The following CDH9 variants were observed in gnomAD, a reference collection of about 807,000 sequenced individuals.
CDH9 encodes cadherin 9, also known as cadherin-9.
In CDH9, 28 loss-of-function variants were observed where a neutral mutation model predicts 70.9. The observed-to-expected ratio is 0.40, with a 90% CI of 0.29 to 0.54. The LOEUF (loss-of-function observed/expected upper bound fraction) is 0.54. Among genes scored for constraint, CDH9 ranks in the 20% least tolerant of loss-of-function variants. The pLI is 0.59. For synonymous variants in CDH9, 409 were observed against 343.1 expected (o/e 1.19, Z -2.12); for missense variants, 874 against 984.4 (o/e 0.89, Z 1.50).
At chr5:26,916,455 A>G (rs1360262597) in intron 2 of CDH9, among the ~76,000 whole-genome samples, 1 of 151,916 alleles carries the variant, frequency 6.6e-6, no homozygotes, top group Non-Finnish European at 1.5e-5. Context: ...GAAACTGTGG[A>G]GTGTACCGAA....
intron 2 of CDH9, among the ~76,000 whole-genome samples, chr5:26,949,944 T>G (rs538477936): frequency 2.6e-5 from 4 of 152,222 alleles, no homozygotes; most frequent in Non-Finnish European, 4.4e-5. Flanking sequence ...TAATCACTGA[T>G]GTCTTTATGG....
chr5:27,031,464 A>G (rs1743309099), intron 1 of CDH9, among the ~76,000 whole-genome samples: 1 of 151,936 alleles, frequency 6.6e-6, no homozygotes, highest in Non-Finnish European at 1.5e-5. Flanking sequence ...TAGGAAGATT[A>G]CAATTTATGG....
intron 2 of CDH9, among the ~76,000 whole-genome samples, chr5:26,985,835 A>G (rs904035023): frequency 1.3e-5 from 2 of 152,130 alleles, no homozygotes; most frequent in Non-Finnish European, 2.9e-5. Context: ...GAGGTGCTCA[A>G]GAAGTTAAAT....
At chr5:26,884,548 C>T (rs1238233053) in intron 11 of CDH9, among the ~76,000 whole-genome samples, 1 of 152,110 alleles carries the variant, frequency 6.6e-6, no homozygotes, top group Non-Finnish European at 1.5e-5. Flanking sequence ...GTGATGGTAG[C>T]AGTGTGTTTG....
At chr5:26,976,631 G>A (rs1202604439) in intron 2 of CDH9, among the ~76,000 whole-genome samples, 5 of 151,950 alleles carry the variant, frequency 3.3e-5, no homozygotes, top group African/African-American at 9.7e-5. Context: ...GTAAAGATGA[G>A]GTTTTGCCAT....
In CDH9 at chr5:26,902,505, G is replaced by T; in HGVS notation, c.1224C>A (p.Tyr408Ter). ...TTAAATTGTTCCTGGCATCTGGATC[G>T]TATGCTGTAACCTGTCCAATGATAC... is the stretch of plus-strand genomic sequence containing the variant. ...EGSIIGQVTA[Y>*]DPDARNNLIK... The change falls in exon 7 of 12, where the codon TAC becomes TAA. Residue 408 changes from tyrosine to a stop codon, truncating the protein, a stop_gained. Coordinates refer to ENST00000231021, the MANE Select transcript of CDH9 (RefSeq NM_016279.4). LOFTEE classifies it high-confidence loss of function. 1 of 1,603,798 alleles carries T rather than the reference G, an allele frequency of 6.2e-7. No individual in the cohort carries two copies. Among genetic ancestry groups the T allele is most frequent in the African/African-American group, 1.3e-5 (1 of 74,770 alleles).
At chr5:26,911,299 T>C (rs2111999826) in intron 3 of CDH9, among the ~76,000 whole-genome samples, 1 of 152,276 alleles carries the variant, frequency 6.6e-6, no homozygotes, top group Admixed American at 6.5e-5. Flanking sequence ...CAAAGTCCAT[T>C]ATAAATATAT....
intron 1 of CDH9, among the ~76,000 whole-genome samples, chr5:26,989,417 A>G (rs1370770358): frequency 6.6e-6 from 1 of 152,098 alleles, no homozygotes; most frequent in Non-Finnish European, 1.5e-5. Context: ...GGAAAAGAAA[A>G]TAACAAAAGG....
At chr5:26,990,902 T>G (rs924059414) in intron 1 of CDH9, among the ~76,000 whole-genome samples, 7 of 152,174 alleles carry the variant, frequency 4.6e-5, no homozygotes, top group African/African-American at 1.7e-4. Context: ...GCCCATTTTG[T>G]GTGGAACATA....
rs534400006 is a variant in CDH9, at chr5:26,980,461, T to A, written c.228+7645A>T. Reference sequence around the variant, plus strand: ...AGTGACCCCAATTACCTGAAAAAAATGTTTAAAGAAAGTTAGATATTTTCA... The same window carrying A: ...AGTGACCCCAATTACCTGAAAAAAAAGTTTAAAGAAAGTTAGATATTTTCA... On this transcript the variant is annotated intron_variant, in intron 2 of 11. Coordinates refer to ENST00000231021, the MANE Select transcript of CDH9 (RefSeq NM_016279.4). Among the ~76,000 whole-genome samples the A allele has an allele frequency of 3.3e-5, 5 of 151,982 alleles. No individual in the cohort carries two copies. The South Asian group carries it at 6.2e-4, about 19-fold the overall frequency.
At chr5:26,978,928 A>G (rs539838447) in intron 2 of CDH9, among the ~76,000 whole-genome samples, 2 of 151,936 alleles carry the variant, frequency 1.3e-5, no homozygotes, top group South Asian at 2.1e-4. Flanking sequence ...ATGAAAATGA[A>G]ATAAAGATAT....
chr5:27,024,278 T>C (rs1743185872), intron 1 of CDH9, among the ~76,000 whole-genome samples: 1 of 152,058 alleles, frequency 6.6e-6, no homozygotes, highest in African/African-American at 2.4e-5. Context: ...AATTTTTAAC[T>C]ATTTTTCAAT....
intron 2 of CDH9, among the ~76,000 whole-genome samples, chr5:26,983,117 C>G (rs1269547342): frequency 6.6e-6 from 1 of 151,990 alleles, no homozygotes; most frequent in Non-Finnish European, 1.5e-5. Flanking sequence ...ACAACAACAA[C>G]AAACAGATAT....
intron 2 of CDH9, among the ~76,000 whole-genome samples, chr5:26,939,798 G>A (rs1001390540): frequency 4.6e-5 from 7 of 152,096 alleles, no homozygotes; most frequent in Non-Finnish European, 7.4e-5. Context: ...GTTTAGGCAT[G>A]CATGCATGGC....
At chr5:26,984,019 A>G (rs1742448307) in intron 2 of CDH9, among the ~76,000 whole-genome samples, 1 of 152,082 alleles carries the variant, frequency 6.6e-6, no homozygotes, top group African/African-American at 2.4e-5. Flanking sequence ...GATTCCTACC[A>G]ATTTTTCTTT....
At position 26,956,142 on chromosome 5, in the gene CDH9, T is replaced by A. The variant is rs546781548; in HGVS notation, c.228+31964A>T. Among the ~76,000 whole-genome samples, 32 of 152,268 alleles carry A rather than the reference T, an allele frequency of 2.1e-4. No homozygotes were observed. In the South Asian group the frequency reaches 6.2e-3, roughly 30 times the overall value. Reference sequence around the variant, plus strand: ...GGAATTGTAGCTGTCATAATTCCCATGTGTCTTGGGAGGGAACTGGTGGAA... The same window carrying A: ...GGAATTGTAGCTGTCATAATTCCCAAGTGTCTTGGGAGGGAACTGGTGGAA... On this transcript the variant is annotated intron_variant, in intron 2 of 11. Transcript: ENST00000231021.
intron 2 of CDH9, among the ~76,000 whole-genome samples, chr5:26,987,683 C>T (rs1273731722): frequency 6.6e-6 from 1 of 151,928 alleles, no homozygotes; most frequent in East Asian, 1.9e-4. Flanking sequence ...ACACTTTTGT[C>T]TAGATTACAA....
At chr5:26,991,116 C>T (rs1031070681) in intron 1 of CDH9, among the ~76,000 whole-genome samples, 2 of 152,104 alleles carry the variant, frequency 1.3e-5, no homozygotes. Context: ...GGCAGGAAAG[C>T]GATTTGGTTA....
At chr5:27,016,168 G>A (rs1261556156) in intron 1 of CDH9, among the ~76,000 whole-genome samples, 2 of 151,658 alleles carry the variant, frequency 1.3e-5, no homozygotes, top group Non-Finnish European at 2.9e-5. Flanking sequence ...TCTCCAACTT[G>A]ACAATACCAG....
Sources: allele counts gnomAD v4.1 joint callset (sites outside exome capture counted in the v4.1 genomes callset), GRCh38; gene constraint gnomAD v4.1.1; transcripts MANE v1.5; gene names NCBI Gene and HGNC (gene_info 2026-07-23, HGNC 2026-07-21).